GRIA4: variants seen among roughly 807,000 people sequenced by gnomAD.
The protein encoded by GRIA4 is glutamate receptor 4.
Under a neutral mutation model 104.0 loss-of-function variants are expected in GRIA4, and 34 were observed. That is an observed-to-expected ratio of 0.33 (90% CI 0.25 to 0.44). The LOEUF is 0.44. Among genes scored for constraint, GRIA4 ranks in the 20% least tolerant of loss-of-function variants. GRIA4 has a pLI of 1.00. For missense variants in GRIA4, 750 were observed against 1,096.5 expected, an observed-to-expected ratio of 0.68 and a Z score of 4.46; for synonymous variants, 386 against 381.9, an observed-to-expected ratio of 1.01 and a Z score of -0.13.
At chr11:105,803,931 C>G (rs994378017) in intron 4 of GRIA4, among the ~76,000 whole-genome samples, 3 of 148,194 alleles carry the variant, frequency 2.0e-5, no homozygotes, top group Admixed American at 6.7e-5. Context: ...CTAGCTCTCA[C>G]TTTTACATTT....
rs776076985 is a variant in GRIA4, at chr11:105,971,933, G to A, written c.2314G>A (p.Val772Ile). Residue 772 changes from valine to isoleucine, a missense_variant, in exon 15 of 17, where the codon GTT becomes ATT. Physicochemically the swap from Val to Ile is conservative, Grantham distance 29. Around this residue, in one of 3 missense-constraint regions of GRIA4, gnomAD observed 272 missense variants for 524.5 expected, o/e 0.52. Coordinates refer to ENST00000282499, the MANE Select transcript of GRIA4 (RefSeq NM_000829.4). ...GTGAAGAACTCCTGTAAACCTTGCC[G>A]TTTTGAAACTCAGTGAGGCAGGCGT... ...SSLRTPVNLA[V>I]LKLSEAGVLD... The A allele has an allele frequency of 5.6e-6, 9 of 1,609,920 alleles. No homozygotes were observed. Among genetic ancestry groups the A allele is most frequent in the Admixed American group, 3.3e-5 (2 of 59,910 alleles).
rs560436107 is a variant in GRIA4, at chr11:105,980,609, A to C, written c.*870A>C. 2.0e-5 allele frequency: 3 copies of C among 150,732 alleles called. No individual in the cohort carries two copies. Among genetic ancestry groups the C allele is most frequent in the Admixed American group, 2.0e-4 (3 of 15,158 alleles). The allele number at this position is 150,732 out of a possible 1,614,324, so 9.3% of individuals were successfully genotyped here. On this transcript the variant is annotated 3_prime_UTR_variant, in exon 17 of 17. Transcript: ENST00000282499. ...GCGGTGTAGACTCGAAAGAGATGAC[A>C]GGTCACTCATGTTAATGGTATTATT...
chr11:105,689,730 C>G (rs1373611220), intron 3 of GRIA4, among the ~76,000 whole-genome samples: 3 of 152,030 alleles, frequency 2.0e-5, no homozygotes, highest in African/African-American at 7.2e-5. Flanking sequence ...GTAGTTATAG[C>G]TTTAATTTGA....
chr11:105,663,886 A>T (rs1239455306), intron 3 of GRIA4, among the ~76,000 whole-genome samples: 1 of 151,718 alleles, frequency 6.6e-6, no homozygotes, highest in East Asian at 1.9e-4. Flanking sequence ...ACAGTGCTCA[A>T]CTTTTCATTC....
chr11:105,725,462 T>C (rs757036691), intron 3 of GRIA4, among the ~76,000 whole-genome samples: 2 of 152,168 alleles, frequency 1.3e-5, no homozygotes, highest in Non-Finnish European at 2.9e-5. Context: ...CTGGAGCTAA[T>C]ACCTGATTAT....
chr11:105,699,565 A>T (rs1953410005), intron 3 of GRIA4, among the ~76,000 whole-genome samples: 1 of 151,690 alleles, frequency 6.6e-6, no homozygotes, highest in Non-Finnish European at 1.5e-5. Flanking sequence ...TCTACTTTCT[A>T]TTTTTTTTAT....
At chr11:105,703,005 G>C (rs1197209174) in intron 3 of GRIA4, among the ~76,000 whole-genome samples, 1 of 152,074 alleles carries the variant, frequency 6.6e-6, no homozygotes, top group Non-Finnish European at 1.5e-5. Context: ...TACTTGTCCA[G>C]TGTCAACTTG....
intron 4 of GRIA4, among the ~76,000 whole-genome samples, chr11:105,794,447 G>GTC (rs1270080596): frequency 8.3e-6 from 1 of 120,548 alleles, no homozygotes; most frequent in African/African-American, 3.2e-5. Context: ...GTGTGTGTGT[G>GTC]TGTGTCTGTG....
chr11:105,678,099 T>G (rs1952598097), intron 3 of GRIA4, among the ~76,000 whole-genome samples: 1 of 152,074 alleles, frequency 6.6e-6, no homozygotes, highest in South Asian at 2.1e-4. Flanking sequence ...TTTTATTTAA[T>G]TTGGTGATCC....
At chr11:105,922,537 A>G (rs1947593014) in intron 11 of GRIA4, among the ~76,000 whole-genome samples, 1 of 152,174 alleles carries the variant, frequency 6.6e-6, no homozygotes, top group African/African-American at 2.4e-5. Flanking sequence ...TGGAAACAAT[A>G]TGAATATCCC....
chr11:105,933,580 T>C (rs1270831105), intron 13 of GRIA4, 142 bp from the exon 14 acceptor site: 2 of 581,068 alleles, frequency 3.4e-6, no homozygotes, highest in Non-Finnish European at 6.1e-6. Flanking sequence ...ATAATAATAT[T>C]ACTATTATGT....
chr11:105,971,490 A>C (rs1049384834), intron 14 of GRIA4, among the ~76,000 whole-genome samples: 1 of 152,200 alleles, frequency 6.6e-6, no homozygotes, highest in Admixed American at 6.5e-5. Flanking sequence ...AAGCTGAATC[A>C]TAATGCATGC....
intron 4 of GRIA4, among the ~76,000 whole-genome samples, chr11:105,839,019 C>T (rs1944291494): frequency 6.6e-6 from 1 of 152,092 alleles, no homozygotes; most frequent in South Asian, 2.1e-4. Context: ...TCTTCATTGC[C>T]CTCCACCTGT....
Position 105,621,650 on chromosome 11 carries a change from G to T in GRIA4, c.247+9216G>T, listed in dbSNP as rs565471954. 2.0e-5 allele frequency among the ~76,000 whole-genome samples: 3 copies of T among 151,740 alleles called. No homozygotes were observed. The East Asian group carries it at 5.8e-4, about 29-fold the overall frequency. On this transcript the variant is annotated intron_variant, in intron 3 of 16. Transcript: ENST00000282499. Reference sequence around the variant, plus strand: ...GGATCAATATTTAGATTATTTCCAGGTCTTTGATATTACAAACTAAACAAC... The same window carrying T: ...GGATCAATATTTAGATTATTTCCAGTTCTTTGATATTACAAACTAAACAAC...
chr11:105,910,660 T>C (rs774476052), intron 10 of GRIA4, 115 bp downstream of exon 10: 172 of 624,310 alleles, frequency 2.8e-4, no homozygotes, highest in Non-Finnish European at 4.6e-4. Context: ...GACATGGGTG[T>C]TCTGATCCAC....
chr11:105,849,018 C>A (rs929152420), intron 4 of GRIA4, among the ~76,000 whole-genome samples: 1 of 152,016 alleles, frequency 6.6e-6, no homozygotes, highest in African/African-American at 2.4e-5. Context: ...GGCGACAACC[C>A]GTCTCTACTA....
chr11:105,716,799 T>C (rs1329134508), intron 3 of GRIA4, among the ~76,000 whole-genome samples: 1 of 152,112 alleles, frequency 6.6e-6, no homozygotes, highest in Non-Finnish European at 1.5e-5. Context: ...AAGTGGGGAA[T>C]GATCAAAAAC....
intron 3 of GRIA4, among the ~76,000 whole-genome samples, chr11:105,662,144 G>A (rs182413338): frequency 6.6e-5 from 10 of 151,876 alleles, no homozygotes; most frequent in East Asian, 1.9e-4. Flanking sequence ...GAGTCATAAC[G>A]TAATCATTGT....
At chr11:105,649,202 T>A (rs1951618073) in intron 3 of GRIA4, among the ~76,000 whole-genome samples, 1 of 152,162 alleles carries the variant, frequency 6.6e-6, no homozygotes, top group Admixed American at 6.6e-5. Flanking sequence ...AAGAAATCAA[T>A]AGAAATGCAT....
Sources: gnomAD v4.1 joint callset for allele counts (sites outside exome capture counted in the v4.1 genomes callset) on GRCh38, gnomAD v4.1.1 for gene constraint, gnomAD v4.1.1 regional missense constraint, MANE v1.5 for transcripts, NCBI Gene and HGNC (gene_info 2026-07-23, HGNC 2026-07-21) for gene names.